Variants in MSH3 observed in about 807,000 individuals in gnomAD.
The protein encoded by MSH3 is DNA mismatch repair protein Msh3.
MSH3 carries 106 observed loss-of-function variants against 123.3 expected under a neutral mutation model. That is an observed-to-expected ratio of 0.86 (90% CI 0.73 to 1.01). The LOEUF is 1.01. Among genes scored for constraint, MSH3 ranks in the 50% least tolerant of loss-of-function variants. The pLI is 0.00. For missense variants in MSH3, 1,459 were observed against 1,347.6 expected (o/e 1.08, Z -1.29); for synonymous variants, 515 against 481.4 (o/e 1.07, Z -0.91).
chr5:80,869,242 A>G (rs564425225), intron 22 of MSH3, among the ~76,000 whole-genome samples: 2 of 152,334 alleles, frequency 1.3e-5, no homozygotes, highest in South Asian at 2.1e-4. Context: ...GCTTAAATAT[A>G]AATCTTGCTA....
Position 80,875,979 on chromosome 5 carries a change from G to T in MSH3, c.*117G>T. ...ATGTGAGCATAAAATTATGACCATGGTATATTCCTATTGGAAACAGAGAGG... is the reference window on the plus strand; with the variant it reads ...ATGTGAGCATAAAATTATGACCATGTTATATTCCTATTGGAAACAGAGAGG... On this transcript the variant is annotated 3_prime_UTR_variant, in exon 24 of 24. Coordinates refer to ENST00000265081, the MANE Select transcript of MSH3 (RefSeq NM_002439.5). The T allele has an allele frequency of 1.4e-6, 1 of 703,390 alleles. No individual in the cohort carries two copies. The highest frequency in any genetic ancestry group is 2.5e-6 in the Non-Finnish European group (1 of 394,304). 43.6% of individuals were successfully genotyped at this position (703,390 alleles called of 1,614,324 possible).
chr5:80,781,133 C>A (rs113277835), intron 17 of MSH3, among the ~76,000 whole-genome samples: 1 of 152,062 alleles, frequency 6.6e-6, no homozygotes, highest in African/African-American at 2.4e-5. Flanking sequence ...TTTGTCTATT[C>A]AGTTTCTTTT....
chr5:80,872,901 T>G (rs1225918218), intron 22 of MSH3, among the ~76,000 whole-genome samples: 2 of 152,204 alleles, frequency 1.3e-5, no homozygotes, highest in Non-Finnish European at 2.9e-5. Flanking sequence ...TTAAGTGAAC[T>G]AAAAGATAGA....
chr5:80,744,777 G>C (rs745913127), intron 12 of MSH3, among the ~76,000 whole-genome samples, 162 bp downstream of exon 12: 2 of 152,150 alleles, frequency 1.3e-5, no homozygotes, highest in Non-Finnish European at 2.9e-5. Flanking sequence ...AGTATTACAA[G>C]GATTTTTTTC....
rs1221411800 is a variant in MSH3, at chr5:80,665,280, T to C, written c.496T>C (p.Cys166Arg). 3 of 1,614,014 alleles carry C rather than the reference T, an allele frequency of 1.9e-6. No homozygotes were observed. The South Asian group carries it at 3.3e-5, about 18-fold the overall frequency. Residue 166 changes from cysteine (C) to arginine (R), a missense_variant, in exon 3 of 24, where the codon TGT becomes CGT. Coordinates refer to ENST00000265081, the MANE Select transcript of MSH3 (RefSeq NM_002439.5). The part of the protein sequence containing the change: ...LQERFAVLPK[C>R]TDFDDISLLH... The stretch of plus-strand genomic sequence containing the variant: ...GGAGAGATTTGCAGTTCTGCCAAAA[T>C]GTACTGATTTTGATGATATCAGTCT...
intron 20 of MSH3, among the ~76,000 whole-genome samples, chr5:80,835,626 A>G (rs1312429905): frequency 6.6e-6 from 1 of 152,182 alleles, no homozygotes. Context: ...CTAAGAAGAA[A>G]ATATGAGACC....
intron 19 of MSH3, among the ~76,000 whole-genome samples, chr5:80,808,858 C>CATATATATATATATATCTATATATAT (rs1554074137): frequency 1.4e-4 from 9 of 66,120 alleles, no homozygotes; most frequent in South Asian, 7.5e-4. Context: ...ATATCTTCTT[C>CATATATATATATATATCTATATATAT]ATATATATAT....
intron 20 of MSH3, among the ~76,000 whole-genome samples, chr5:80,841,254 A>G (rs1230168137): frequency 1.3e-5 from 2 of 152,210 alleles, no homozygotes; most frequent in African/African-American, 2.4e-5. Flanking sequence ...TTATGGCTGC[A>G]TAGTATTCCA....
intron 19 of MSH3, among the ~76,000 whole-genome samples, chr5:80,801,000 G>T (rs953758455): frequency 3.9e-5 from 6 of 152,198 alleles, no homozygotes; most frequent in Admixed American, 6.5e-5. Context: ...CTGTAGAAAG[G>T]CCTTAAGGCA....
At chr5:80,785,614 C>T (rs1368461831) in intron 17 of MSH3, among the ~76,000 whole-genome samples, 1 of 152,192 alleles carries the variant, frequency 6.6e-6, no homozygotes, top group Non-Finnish European at 1.5e-5. Flanking sequence ...TGGGTATATA[C>T]CCATGACCCA....
At chr5:80,825,721 G>T (rs2112071781) in intron 20 of MSH3, among the ~76,000 whole-genome samples, 1 of 152,226 alleles carries the variant, frequency 6.6e-6, no homozygotes, top group Non-Finnish European at 1.5e-5. Context: ...AAATAGATTA[G>T]AATAAGAAAT....
intron 19 of MSH3, among the ~76,000 whole-genome samples, chr5:80,799,766 A>C (rs779291360): frequency 7.2e-5 from 11 of 151,954 alleles, no homozygotes; most frequent in Admixed American, 5.2e-4. Flanking sequence ...ACTTCACTTA[A>C]CATTCCAGTT....
chr5:80,713,482 C>T (rs1029044463), intron 8 of MSH3, among the ~76,000 whole-genome samples: 4 of 147,874 alleles, frequency 2.7e-5, no homozygotes, highest in Non-Finnish European at 4.6e-5. Context: ...CCAACAAGGA[C>T]AGAAGGGAGG....
chr5:80,874,008 A>C (rs1248911840), intron 23 of MSH3, among the ~76,000 whole-genome samples: 1 of 152,128 alleles, frequency 6.6e-6, no homozygotes, highest in Non-Finnish European at 1.5e-5. Flanking sequence ...CCCCTGCCGT[A>C]CTTGGGGAGC....
At chr5:80,656,739 T>C (rs1749300528) in intron 2 of MSH3, among the ~76,000 whole-genome samples, 1 of 152,200 alleles carries the variant, frequency 6.6e-6, no homozygotes, top group African/African-American at 2.4e-5. Flanking sequence ...GCAATTTAGC[T>C]GTAGTTCTCC....
chr5:80,821,735 T>C (rs1361491655), intron 20 of MSH3, among the ~76,000 whole-genome samples: 2 of 152,226 alleles, frequency 1.3e-5, no homozygotes, highest in Non-Finnish European at 2.9e-5. Context: ...AAGCCCCTGA[T>C]TGCTTTTTAC....
chr5:80,849,018 C>T (rs1174025383), intron 20 of MSH3, among the ~76,000 whole-genome samples: 2 of 152,192 alleles, frequency 1.3e-5, no homozygotes, highest in East Asian at 3.9e-4. Context: ...AATGGGGGTA[C>T]AGGCATTGGG....
In MSH3 at chr5:80,753,437, G is replaced by T. The variant is rs576952347; in HGVS notation, c.1764-8109G>T. ...CTGGTGAGTAGGTAGAGTCTTTTAT[G>T]GGGGCCTACTCTCAAAATAATATAA... On this transcript the variant is annotated intron_variant, in intron 12 of 23. Coordinates refer to ENST00000265081, the MANE Select transcript of MSH3 (RefSeq NM_002439.5). Among the ~76,000 whole-genome samples, 3 of 152,130 alleles carry T rather than the reference G, an allele frequency of 2.0e-5. No individual in the cohort carries two copies. The South Asian group carries it at 6.2e-4, about 32-fold the overall frequency.
chr5:80,805,263 C>T (rs1300195702), intron 19 of MSH3, among the ~76,000 whole-genome samples: 1 of 152,128 alleles, frequency 6.6e-6, no homozygotes, highest in Admixed American at 6.5e-5. Context: ...TAGCCAAGAG[C>T]GTTAAAACTG....
Sources: allele counts gnomAD v4.1 joint callset (sites outside exome capture counted in the v4.1 genomes callset), GRCh38; gene constraint gnomAD v4.1.1; transcripts MANE v1.5; gene names NCBI Gene and HGNC (gene_info 2026-07-23, HGNC 2026-07-21).